Variants in DENND2B observed in about 807,000 individuals in gnomAD.
DENND2B encodes the protein DENN domain containing 2B.
DENND2B carries 32 observed loss-of-function variants against 116.0 expected under a neutral mutation model. The observed-to-expected ratio is 0.28, with a 90% CI of 0.21 to 0.37. The LOEUF is 0.37. DENND2B is among the 10% of genes least tolerant of loss of function. DENND2B has a pLI of 1.00. For missense variants in DENND2B, 1,276 were observed against 1,477.7 expected (o/e 0.86, Z 2.24); for synonymous variants, 588 against 583.9 (o/e 1.01, Z -0.10).
At chr11:8,771,369 C>T (rs574883751) in intron 1 of DENND2B, among the ~76,000 whole-genome samples, 7 of 152,148 alleles carry the variant, frequency 4.6e-5, no homozygotes, top group Admixed American at 1.3e-4. Flanking sequence ...CAATCTCACA[C>T]TACCAGCATG....
chr11:8,768,808 C>G (rs1171439719), intron 1 of DENND2B: 1 of 152,510 alleles, frequency 6.6e-6, no homozygotes, highest in African/African-American at 2.4e-5. Context: ...CATGCCATTG[C>G]TCTTTGTAAT....
At chr11:8,814,699 C>T (rs544469461), upstream of DENND2B, among the ~76,000 whole-genome samples, 2 of 152,364 alleles carry the variant, frequency 1.3e-5, no homozygotes, top group African/African-American at 4.8e-5. Context: ...AGTCTTCCCT[C>T]AGAAGAGTTC....
At chr11:8,796,906 C>T (rs547890842) in intron 1 of DENND2B, among the ~76,000 whole-genome samples, 5 of 152,186 alleles carry the variant, frequency 3.3e-5, no homozygotes, top group Admixed American at 6.5e-5. Context: ...TATATGGACT[C>T]GCATTCTCAG....
chr11:8,863,346 T>TCCCAGGTTCACCCCATTCTCCTGC (rs543669262), intron 2 of DENND2B, among the ~76,000 whole-genome samples: 2 of 81,304 alleles, frequency 2.5e-5, no homozygotes, highest in African/African-American at 4.5e-5. Flanking sequence ...AAGCTCCACC[T>TCCCAGGTTCACCCCATTCTCCTGC]CTCAGCCTCC....
intron 3 of DENND2B, among the ~76,000 whole-genome samples, chr11:8,845,514 T>G (rs2062780439): frequency 6.6e-6 from 1 of 152,230 alleles, no homozygotes; most frequent in Non-Finnish European, 1.5e-5. Flanking sequence ...AGAAAAGGAT[T>G]TGCTACTCAC....
In DENND2B at chr11:8,699,203, G is replaced by A. The variant is rs200256670; in HGVS notation, c.2898+10C>T. The A allele has an allele frequency of 6.7e-4, 1,039 of 1,545,652 alleles. 1 individual carries two copies. Among genetic ancestry groups the A allele is most frequent in the Non-Finnish European group, 8.4e-4 (968 of 1,151,410 alleles). On this transcript the variant is annotated intron_variant, in intron 15 of 19. Coordinates refer to ENST00000313726, the MANE Select transcript of DENND2B (RefSeq NM_213618.2). The stretch of plus-strand genomic sequence containing the variant: ...ACCCTTCCCCCCAGCTGGTTCCCCC[G>A]GTGGCCCACCTCCTCCACAGGCAGC...
At chr11:8,804,487 A>G (rs1435267617) in intron 1 of DENND2B, among the ~76,000 whole-genome samples, 2 of 151,856 alleles carry the variant, frequency 1.3e-5, no homozygotes, top group African/African-American at 4.8e-5. Flanking sequence ...CACAGACCCC[A>G]GACCAGACTA....
chr11:8,726,177 A>G lies in DENND2B; in HGVS notation c.1373T>C (p.Leu458Pro), dbSNP rs753250818. 2 of 1,612,932 alleles carry G rather than the reference A, an allele frequency of 1.2e-6. No homozygotes were observed. Among genetic ancestry groups the G allele is most frequent in the South Asian group, 1.1e-5 (1 of 90,924 alleles). Residue 458 changes from leucine to proline, a missense_variant, in exon 4 of 20, where the codon CTC becomes CCC. This residue lies in a region of DENND2B where 856 missense variants were observed against 846.6 expected (regional missense o/e 1.01). Transcript: ENST00000313726. ...GGGAGAAGAGGGGTACAGGGACTGGAGACTGGATGCATCCTCAAACTCAAA... is the reference window on the plus strand; with the variant it reads ...GGGAGAAGAGGGGTACAGGGACTGGGGACTGGATGCATCCTCAAACTCAAA... Reference protein sequence around the residue: ...KSFEFEDASSLQSLYPSSPTE... With the variant: ...KSFEFEDASSPQSLYPSSPTE...
chr11:8,879,497 G>A (rs1025294357), intron 2 of DENND2B, among the ~76,000 whole-genome samples: 10 of 152,224 alleles, frequency 6.6e-5, no homozygotes, highest in East Asian at 1.9e-4. Context: ...GATTCTGAAG[G>A]ATGTGGAGAG....
upstream of DENND2B, chr11:8,811,052 T>A: frequency 2.7e-6 from 1 of 375,828 alleles, no homozygotes; most frequent in Non-Finnish European, 4.7e-6. Flanking sequence ...CTTGGAAGAA[T>A]CCCTGCCAGG....
chr11:8,821,430 T>TAAA (rs5789586), intron 4 of DENND2B, among the ~76,000 whole-genome samples: 2 of 147,082 alleles, frequency 1.4e-5, no homozygotes, highest in Non-Finnish European at 1.5e-5. Context: ...CTACCAAAAA[T>TAAA]AAAAAAAAAA....
intron 1 of DENND2B, among the ~76,000 whole-genome samples, chr11:8,882,426 T>C (rs1265847430): frequency 6.6e-6 from 1 of 152,218 alleles, no homozygotes; most frequent in African/African-American, 2.4e-5. Context: ...TTGCTCACCA[T>C]GAGCCAATCT....
chr11:8,859,267 T>C (rs1057318303), intron 2 of DENND2B, among the ~76,000 whole-genome samples: 1 of 151,812 alleles, frequency 6.6e-6, no homozygotes, highest in Admixed American at 6.6e-5. Context: ...AGGCTTGGCA[T>C]AGGGTTAGAT....
At chr11:8,719,976 C>T (rs1392675609) in intron 4 of DENND2B, among the ~76,000 whole-genome samples, 2 of 152,156 alleles carry the variant, frequency 1.3e-5, no homozygotes, top group African/African-American at 4.8e-5. Context: ...CTGTCCTGTC[C>T]ATTTTTAGGA....
intron 2 of DENND2B, among the ~76,000 whole-genome samples, chr11:8,876,480 G>A (rs527574591): frequency 1.8e-3 from 267 of 152,132 alleles, no homozygotes; most frequent in Non-Finnish European, 3.1e-3. Flanking sequence ...TCCAATCAAA[G>A]TTCTCTTTCT....
intron 4 of DENND2B, among the ~76,000 whole-genome samples, chr11:8,820,480 A>C (rs1438173679): frequency 6.6e-6 from 1 of 152,202 alleles, no homozygotes; most frequent in East Asian, 1.9e-4. Context: ...ATTTTTAATA[A>C]TTTTAAGAAT....
chr11:8,776,112 A>T, intron 1 of DENND2B: 1 of 426,534 alleles, frequency 2.3e-6, no homozygotes, highest in Non-Finnish European at 4.7e-6. Flanking sequence ...AGAGATACAC[A>T]GACTTGCACA....
At chr11:8,809,533 A>G (rs571010944) in intron 1 of DENND2B, 2 of 152,166 alleles carry the variant, frequency 1.3e-5, no homozygotes, top group East Asian at 1.9e-4. Flanking sequence ...CATCCTCCTC[A>G]TAATATTACT....
Position 8,702,704 on chromosome 11 carries a change from C to T in DENND2B, c.2588G>A (p.Arg863Gln), listed in dbSNP as rs2041921783. 3 of 1,613,416 alleles carry T rather than the reference C, an allele frequency of 1.9e-6. No individual in the cohort carries two copies. The highest frequency in any genetic ancestry group is 2.5e-6 in the Non-Finnish European group (3 of 1,179,898). ...GTGCTCCAGCCTTGAGTCCATGGGC[C>T]GCCGCAGCTCTAACACCTGCAGGAG... is the stretch of plus-strand genomic sequence containing the variant. ...GAGNEVLELR[R>Q]PMDSRLEHVD... Residue 863 changes from arginine (R) to glutamine (Q), a missense_variant, in exon 14 of 20, where the codon CGG (arginine) becomes CAG (glutamine). Around this residue, in one of 2 missense-constraint regions of DENND2B, gnomAD observed 420 missense variants for 631.1 expected, o/e 0.67. Transcript: ENST00000313726. The surrounding 1 kb of genome is among the most constrained non-coding windows in gnomAD (Gnocchi z 4.6).
Sources: gnomAD v4.1 joint callset for allele counts (sites outside exome capture counted in the v4.1 genomes callset) on GRCh38, gnomAD v4.1.1 for gene constraint, gnomAD v4.1.1 regional missense constraint, Gnocchi (gnomAD v3.1) non-coding constraint, MANE v1.5 for transcripts, NCBI Gene and HGNC (gene_info 2026-07-23, HGNC 2026-07-21) for gene names.